STON1: variants seen among roughly 807,000 people sequenced by gnomAD.
STON1 encodes stonin 1.
In STON1, 79 loss-of-function variants were observed where a neutral mutation model predicts 60.9. The ratio of observed to expected loss-of-function variants is 1.30; its 90% CI spans 1.08 to 1.56. The LOEUF is 1.56. Among genes scored for constraint, STON1 ranks in the 40% most tolerant of loss-of-function variants. The probability of loss-of-function intolerance (pLI) is 0.00; values close to 1 mark genes in which losing one functional copy is unlikely to be tolerated. For missense variants in STON1, 1,166 were observed against 858.9 expected, an observed-to-expected ratio of 1.36 and a Z score of -4.47; for synonymous variants, 363 against 306.9, an observed-to-expected ratio of 1.18 and a Z score of -1.91.
intron 1 of STON1, among the ~76,000 whole-genome samples, chr2:48,545,350 C>T (rs774492183): frequency 6.6e-6 from 1 of 152,222 alleles, no homozygotes; most frequent in Non-Finnish European, 1.5e-5. Context: ...TTGGCCTCCT[C>T]TGCACCCACA....
chr2:48,594,219 C>A (rs1256574053), intron 3 of STON1, among the ~76,000 whole-genome samples: 2 of 152,142 alleles, frequency 1.3e-5, no homozygotes, highest in Non-Finnish European at 2.9e-5. Context: ...CTTGGGGAAC[C>A]TGACCTATAA....
intron 1 of STON1, among the ~76,000 whole-genome samples, chr2:48,557,259 G>A (rs1267794320): frequency 1.1e-4 from 8 of 69,626 alleles, no homozygotes; most frequent in African/African-American, 2.2e-4. Flanking sequence ...CTTCTCAGAC[G>A]GGGCGGCCGG....
chr2:48,571,340 G>C (rs1278296508), intron 1 of STON1, among the ~76,000 whole-genome samples: 2 of 152,166 alleles, frequency 1.3e-5, no homozygotes, highest in African/African-American at 2.4e-5. Flanking sequence ...TTGGTGCCAG[G>C]AGTGTTTGGT....
At position 48,581,385 on chromosome 2, in the gene STON1, ACTGT is replaced by A. The variant is rs758726448; in HGVS notation, c.755_758del (p.Cys252TyrfsTer28). 1.3e-6 allele frequency: 2 copies of A among 1,597,476 alleles called. No individual in the cohort carries two copies. The highest frequency in any genetic ancestry group is 2.3e-5 in the South Asian group (2 of 87,880). ...GACTCACTTAGAAGTTTGTCTATGC[ACTGT>A]CTATGTGCTGAAGAAAATGCCTCTT... On this transcript the variant is annotated frameshift_variant, in exon 2 of 4. Transcript: ENST00000404752. LOFTEE classifies it high-confidence loss of function.
In STON1 at chr2:48,535,315, G is replaced by A. The variant is rs532944873; in HGVS notation, c.-48+5099G>A. 3.0e-4 allele frequency among the ~76,000 whole-genome samples: 46 copies of A among 152,292 alleles called. 1 individual carries two copies. In the South Asian group the frequency reaches 7.1e-3, roughly 23 times the overall value. On this transcript the variant is annotated intron_variant, in intron 1 of 3. Transcript: ENST00000404752. Reference sequence around the variant, plus strand: ...ATCTTTCGAAAGCTTGCCTATGTGGGTGATCCCATGCATTGGTGAGTTTGA... The same window carrying A: ...ATCTTTCGAAAGCTTGCCTATGTGGATGATCCCATGCATTGGTGAGTTTGA...
At chr2:48,561,581 A>G (rs1672615440) in intron 1 of STON1, among the ~76,000 whole-genome samples, 1 of 152,154 alleles carries the variant, frequency 6.6e-6, no homozygotes, top group South Asian at 2.1e-4. Context: ...TTGGACTGGA[A>G]AATTCTTGTT....
At chr2:48,562,742 T>A (rs151012304) in intron 1 of STON1, among the ~76,000 whole-genome samples, 10 of 152,170 alleles carry the variant, frequency 6.6e-5, no homozygotes, top group Admixed American at 6.5e-4. Context: ...CTCCTTTTAA[T>A]TGTGGCTCAG....
intron 1 of STON1, among the ~76,000 whole-genome samples, chr2:48,564,455 CT>C: frequency 1.9e-5 from 1 of 53,618 alleles, no homozygotes; most frequent in African/African-American, 7.0e-5. Flanking sequence ...TCTTCTTCTT[CT>C]TCTTCTTCTT....
chr2:48,580,289 T>A (rs1435972829), intron 1 of STON1, among the ~76,000 whole-genome samples: 5 of 152,224 alleles, frequency 3.3e-5, no homozygotes, highest in Admixed American at 3.3e-4. Context: ...CTTTGTCTCC[T>A]ATGATAGTTT....
At chr2:48,550,004 G>C (rs1672031995) in intron 1 of STON1, among the ~76,000 whole-genome samples, 2 of 151,524 alleles carry the variant, frequency 1.3e-5, no homozygotes, top group African/African-American at 4.9e-5. Flanking sequence ...GAAACCAGTT[G>C]TTAAGACATG....
chr2:48,575,910 C>T (rs1673466773), intron 1 of STON1, among the ~76,000 whole-genome samples: 1 of 151,408 alleles, frequency 6.6e-6, no homozygotes, highest in South Asian at 2.1e-4. Context: ...AGGTGTGCGC[C>T]ACCACGCCTG....
chr2:48,536,182 G>A (rs929234810), intron 1 of STON1, among the ~76,000 whole-genome samples: 3 of 152,162 alleles, frequency 2.0e-5, no homozygotes, highest in Non-Finnish European at 4.4e-5. Context: ...AGTTCTCTCA[G>A]TCTCCTCATC....
intron 1 of STON1, chr2:48,531,267 T>G (rs1045620981): frequency 6.6e-6 from 1 of 152,244 alleles, no homozygotes; most frequent in African/African-American, 2.4e-5. Flanking sequence ...TCTGCATAGC[T>G]CTAGTCTCCC....
chr2:48,539,249 C>A (rs1327886627), intron 1 of STON1, among the ~76,000 whole-genome samples: 1 of 152,026 alleles, frequency 6.6e-6, no homozygotes, highest in East Asian at 1.9e-4. Context: ...TTTATTTGTG[C>A]CAACTCTCTT....
At chr2:48,550,071 G>T (rs767195453) in intron 1 of STON1, among the ~76,000 whole-genome samples, 8 of 152,034 alleles carry the variant, frequency 5.3e-5, no homozygotes, top group Non-Finnish European at 1.2e-4. Context: ...TCTAGTAGAT[G>T]CTCTAGTTGA....
At chr2:48,544,752 G>A (rs896017890) in intron 1 of STON1, among the ~76,000 whole-genome samples, 4 of 152,140 alleles carry the variant, frequency 2.6e-5, no homozygotes, top group African/African-American at 4.8e-5. Flanking sequence ...TCACCGTGCT[G>A]GCCAGGCTTG....
intron 3 of STON1, among the ~76,000 whole-genome samples, chr2:48,592,098 A>T (rs1248621125): frequency 1.3e-5 from 2 of 152,142 alleles, no homozygotes; most frequent in Admixed American, 6.5e-5. Context: ...TTAAAAATGA[A>T]TCTACATTTT....
intron 1 of STON1, among the ~76,000 whole-genome samples, chr2:48,568,424 G>A (rs1673041111): frequency 6.6e-6 from 1 of 152,120 alleles, no homozygotes; most frequent in Admixed American, 6.5e-5. Context: ...TTTTATTTGA[G>A]TGGTTTATGA....
At chr2:48,550,069 A>G in intron 1 of STON1, among the ~76,000 whole-genome samples, 1 of 152,016 alleles carries the variant, frequency 6.6e-6, no homozygotes. Flanking sequence ...GATCTAGTAG[A>G]TGCTCTAGTT....
Sources: allele counts gnomAD v4.1 joint callset (sites outside exome capture counted in the v4.1 genomes callset), GRCh38; gene constraint gnomAD v4.1.1; transcripts MANE v1.5; gene names NCBI Gene and HGNC (gene_info 2026-07-23, HGNC 2026-07-21).